Variants in PDE4D observed in about 807,000 individuals in gnomAD.
PDE4D encodes the protein 3',5'-cyclic-AMP phosphodiesterase 4D.
In PDE4D, 24 loss-of-function variants were observed where a neutral mutation model predicts 87.4. That is an observed-to-expected ratio of 0.27 (90% CI 0.20 to 0.39). The LOEUF (loss-of-function observed/expected upper bound fraction) is 0.39, where lower values mean the gene tolerates loss of function less well. PDE4D is among the 10% of genes least tolerant of loss of function. The pLI is 1.00. For synonymous variants in PDE4D, 384 were observed against 383.2 expected (o/e 1.00, Z -0.02); for missense variants, 714 against 1,041.0 (o/e 0.69, Z 4.32).
At chr5:60,234,701 TTAG>T (rs1209296224) in intron 1 of PDE4D, among the ~76,000 whole-genome samples, 9 of 151,902 alleles carry the variant, frequency 5.9e-5, no homozygotes, top group Admixed American at 5.9e-4. Context: ...AATTTTAAAA[TTAG>T]TAATTCAATC....
intron 6 of PDE4D, among the ~76,000 whole-genome samples, chr5:59,012,461 T>C (rs1753024938): frequency 6.6e-6 from 1 of 152,112 alleles, no homozygotes; most frequent in Non-Finnish European, 1.5e-5. Flanking sequence ...GAGGAAGATC[T>C]ACCAAGCAAA....
intron 11 of PDE4D, 83 bp from the exon 12 acceptor site, chr5:58,977,428 G>A: frequency 7.6e-7 from 1 of 1,312,750 alleles, no homozygotes; most frequent in African/African-American, 1.5e-5. Context: ...GATTTAGGAT[G>A]TAATTTCCCC....
At chr5:60,115,435 G>A (rs1340273598) in intron 2 of PDE4D, among the ~76,000 whole-genome samples, 2 of 151,990 alleles carry the variant, frequency 1.3e-5, no homozygotes, top group Non-Finnish European at 2.9e-5. Flanking sequence ...TATGTAAGAA[G>A]GTCATTGAAG....
At chr5:59,860,837 C>T (rs58857507) in intron 1 of PDE4D, among the ~76,000 whole-genome samples, 2 of 151,488 alleles carry the variant, frequency 1.3e-5, no homozygotes, top group African/African-American at 2.4e-5. Flanking sequence ...CCTTGTTGTT[C>T]GAACTTTTTT....
intron 1 of PDE4D, among the ~76,000 whole-genome samples, chr5:59,747,911 G>A (rs2150708431): frequency 6.6e-6 from 1 of 152,146 alleles, no homozygotes; most frequent in South Asian, 2.1e-4. Context: ...TCCCCTTTCT[G>A]CTGCTTCTTT....
At chr5:60,119,289 A>C (rs1778449520) in intron 2 of PDE4D, among the ~76,000 whole-genome samples, 1 of 152,166 alleles carries the variant, frequency 6.6e-6, no homozygotes, top group Non-Finnish European at 1.5e-5. Context: ...TTACAATTTG[A>C]CTGAACACCT....
intron 1 of PDE4D, among the ~76,000 whole-genome samples, chr5:59,832,313 A>G (rs1741367251): frequency 6.6e-6 from 1 of 152,054 alleles, no homozygotes; most frequent in Non-Finnish European, 1.5e-5. Context: ...TCATTGTCCT[A>G]AGTTCCATGT....
chr5:59,112,609 C>T (rs1351252596), intron 5 of PDE4D, among the ~76,000 whole-genome samples: 6 of 151,890 alleles, frequency 4.0e-5, no homozygotes, highest in African/African-American at 7.3e-5. Context: ...GTATTAGATA[C>T]GAGATGTTCT....
chr5:59,241,468 T>C (rs1057472677), intron 1 of PDE4D, among the ~76,000 whole-genome samples: 2 of 152,218 alleles, frequency 1.3e-5, no homozygotes, highest in African/African-American at 4.8e-5. Context: ...CCTGACATAT[T>C]CTTTACAAAG....
At chr5:59,992,356 C>T in intron 2 of PDE4D, among the ~76,000 whole-genome samples, 1 of 152,096 alleles carries the variant, frequency 6.6e-6, no homozygotes, top group Middle Eastern at 3.4e-3. Flanking sequence ...CCTCAGCTTA[C>T]AGACCGCCTA....
chr5:59,263,416 G>A (rs540141889), intron 1 of PDE4D, among the ~76,000 whole-genome samples: 15 of 152,026 alleles, frequency 9.9e-5, no homozygotes, highest in African/African-American at 3.4e-4. Flanking sequence ...AATTCTAATT[G>A]GGGAAGTCTA....
At chr5:59,854,022 G>A (rs1745051638) in intron 1 of PDE4D, among the ~76,000 whole-genome samples, 1 of 151,910 alleles carries the variant, frequency 6.6e-6, no homozygotes. Context: ...TAATTCCTTA[G>A]GATAACTTCT....
intron 1 of PDE4D, chr5:59,528,924 C>G (rs1390243365): frequency 5.0e-6 from 2 of 401,846 alleles, no homozygotes; most frequent in South Asian, 3.8e-5. Context: ...TCGACTCAGC[C>G]AAATATGACA....
intron 1 of PDE4D, among the ~76,000 whole-genome samples, chr5:59,218,870 A>T (rs146842655): frequency 0.011 from 1,634 of 152,170 alleles, 17 homozygotes; most frequent in Middle Eastern, 0.024. Context: ...CTTTTTCTTA[A>T]ATGATGAGTT....
At chr5:59,745,732 C>A (rs1759504873) in intron 1 of PDE4D, among the ~76,000 whole-genome samples, 2 of 152,056 alleles carry the variant, frequency 1.3e-5, no homozygotes, top group South Asian at 4.1e-4. Flanking sequence ...CCAGAGCTTA[C>A]CCTTTTCCTT....
intron 1 of PDE4D, among the ~76,000 whole-genome samples, chr5:59,675,815 A>C (rs1399143537): frequency 6.6e-6 from 1 of 151,984 alleles, no homozygotes; most frequent in East Asian, 1.9e-4. Context: ...TCAGCCTCCC[A>C]AGTAGCAGGG....
intron 4 of PDE4D, among the ~76,000 whole-genome samples, 185 bp downstream of exon 4, chr5:59,185,004 T>G (rs1038843215): frequency 6.6e-6 from 1 of 152,176 alleles, no homozygotes; most frequent in Non-Finnish European, 1.5e-5. Flanking sequence ...CTGCTTCATT[T>G]CTGATATTAG....
rs762324253 is a variant in PDE4D at position 60,109,159 on chromosome 5, T to A, written c.42+76398A>T. Among the ~76,000 whole-genome samples the A allele has an allele frequency of 7.0e-3, 1,060 of 151,272 alleles. 6 individuals are homozygous for A. Among genetic ancestry groups the A allele is most frequent in the Non-Finnish European group, 0.012 (823 of 67,796 alleles). ...AATCTACAATGAACTCAAACAAATT[T>A]ACAAGAAAAAAACAAACAACCCCAT... On this transcript the variant is annotated intron_variant, in intron 2 of 16. Transcript: ENST00000502484.
chr5:59,334,136 T>C (rs1777218527), intron 1 of PDE4D, among the ~76,000 whole-genome samples: 1 of 151,904 alleles, frequency 6.6e-6, no homozygotes, highest in South Asian at 2.1e-4. Context: ...AATTTAATAG[T>C]TTTTTTAAAT....
Sources: allele counts gnomAD v4.1 joint callset (sites outside exome capture counted in the v4.1 genomes callset), GRCh38; gene constraint gnomAD v4.1.1; transcripts MANE v1.5; gene names NCBI Gene and HGNC (gene_info 2026-07-23, HGNC 2026-07-21).